Variants in LATS2 observed in about 807,000 individuals in gnomAD.
The protein encoded by LATS2 is serine/threonine-protein kinase LATS2.
In LATS2, 24 loss-of-function variants were observed where a neutral mutation model predicts 76.0. The ratio of observed to expected loss-of-function variants is 0.32; its 90% confidence interval spans 0.23 to 0.44. LATS2 has a LOEUF of 0.44. LATS2 is among the 20% of genes least tolerant of loss of function. The probability of loss-of-function intolerance (pLI) is 1.00; values close to 1 mark genes in which losing one functional copy is unlikely to be tolerated. For missense variants in LATS2, 1,286 were observed against 1,481.2 expected, an observed-to-expected ratio of 0.87 and a Z score of 2.16; for synonymous variants, 692 against 635.4, an observed-to-expected ratio of 1.09 and a Z score of -1.34.
Position 20,991,505 on chromosome 13 carries a change from G to T in LATS2, c.343-101C>A. Reference sequence around the variant, plus strand: ...GTGCTGGACTGTGCTGGGACACTTCGCCTCTGTACTGCTGAGAACCTGCGA... The same window carrying T: ...GTGCTGGACTGTGCTGGGACACTTCTCCTCTGTACTGCTGAGAACCTGCGA... On this transcript the variant is annotated intron_variant, in intron 2 of 7. Transcript: ENST00000382592. The surrounding 1 kb of genome is among the most constrained non-coding windows in gnomAD (Gnocchi z 4.9). 1 of 1,350,534 alleles carries T rather than the reference G, an allele frequency of 7.4e-7. No individual in the cohort carries two copies. Among genetic ancestry groups the T allele is most frequent in the Non-Finnish European group, 1.0e-6 (1 of 966,838 alleles). The allele number at this position is 1,350,534 out of a possible 1,614,324, so 83.7% of individuals were successfully genotyped here.
rs1254864188 is a variant in LATS2 at position 20,988,572 on chromosome 13, G to T, written c.1208C>A (p.Pro403His). Residue 403 changes from proline to histidine, a missense_variant, in exon 4 of 8, where the codon CCC becomes CAC. By Grantham distance (77) the Pro-to-His change is moderately conservative. This residue lies in a region of LATS2 where 710 missense variants were observed against 660.9 expected (regional missense o/e 1.07). Transcript: ENST00000382592. ...HVAFRPDCPV[P>H]SRTNSFNSHQ... ...GCTGTTGAAGGAGTTGGTCCTGCTG[G>T]GCACTGGGCAGTCAGGCCGGAAGGC... 6.3e-7 allele frequency: 1 copy of T among 1,586,986 alleles called. No homozygotes were observed. The highest frequency in any genetic ancestry group is 1.7e-5 in the Admixed American group (1 of 58,266).
chr13:21,004,824 T>C (rs929612994), intron 2 of LATS2, among the ~76,000 whole-genome samples: 2 of 152,194 alleles, frequency 1.3e-5, no homozygotes, highest in Admixed American at 1.3e-4. Flanking sequence ...GACATTGCTG[T>C]TTTTAAGGAC....
intron 1 of LATS2, among the ~76,000 whole-genome samples, chr13:21,050,107 G>C (rs1346255394): frequency 6.6e-6 from 1 of 150,526 alleles, no homozygotes; most frequent in Non-Finnish European, 1.5e-5. Flanking sequence ...GCGACAGAGG[G>C]AGACTCTGTC....
Position 21,046,170 on chromosome 13 carries a change from T to TTCTC in LATS2, c.-145_-144insGAGA. The TTCTC allele has an allele frequency of 4.5e-6, 3 of 671,468 alleles. No homozygotes were observed. The highest frequency in any genetic ancestry group is 7.3e-6 in the Non-Finnish European group (3 of 411,086). 41.6% of individuals were successfully genotyped at this position (671,468 alleles called of 1,614,324 possible). A position where few individuals can be genotyped will look rare whatever the true frequency, so the allele number is the denominator to read the frequency against. On this transcript the variant is annotated 5_prime_UTR_variant, in exon 2 of 8. It removes the in-frame stop codon of an upstream open reading frame in the 5' UTR. Transcript: ENST00000382592. ...TTGAAAATGTTCTTTCCTTCCATTT[T>TTCTC]TGTAGTTCCTATAGAGAACCTAAAA...
intron 1 of LATS2, among the ~76,000 whole-genome samples, chr13:21,046,525 T>TA: frequency 6.6e-6 from 1 of 152,350 alleles, no homozygotes; most frequent in Non-Finnish European, 1.5e-5. Flanking sequence ...TCATTTAAAA[T>TA]ACTTCATTAT....
At chr13:21,060,532 A>G (rs1333611726) in intron 1 of LATS2, among the ~76,000 whole-genome samples, 1 of 152,108 alleles carries the variant, frequency 6.6e-6, no homozygotes, top group Non-Finnish European at 1.5e-5. Flanking sequence ...GACGCCGAGC[A>G]GGGCCTGGCC....
intron 2 of LATS2, among the ~76,000 whole-genome samples, chr13:20,993,568 T>TGTGGGAC (rs769072103): frequency 5.3e-5 from 8 of 150,922 alleles, no homozygotes; most frequent in Non-Finnish European, 1.2e-4. Flanking sequence ...TGCCTGCCCA[T>TGTGGGAC]GTGGGACATG....
intron 1 of LATS2, among the ~76,000 whole-genome samples, chr13:21,054,728 T>C (rs1010417442): frequency 1.2e-4 from 6 of 50,874 alleles, no homozygotes; most frequent in Admixed American, 2.5e-4. Flanking sequence ...TAAGTGGCCG[T>C]GTCCCTAGCC....
Position 20,989,243 on chromosome 13 carries a change from C to G in LATS2, c.537G>C (p.Ser179=). 1 of 1,613,864 alleles carries G rather than the reference C, an allele frequency of 6.2e-7. No homozygotes were observed. The change falls in exon 4 of 8, where the codon TCG becomes TCC. Residue 179 remains serine, a synonymous_variant. Transcript: ENST00000382592. ...CGCTCAGCTGGTGGTAGGACGCAAACGAATCGCCGGTTCCTTCGAAGCTGG... is the reference window on the plus strand; with the variant it reads ...CGCTCAGCTGGTGGTAGGACGCAAAGGAATCGCCGGTTCCTTCGAAGCTGG... ...RRPSFEGTGD[S]FASYHQLSGT...
chr13:20,977,969 G>A (rs982687955), intron 7 of LATS2, among the ~76,000 whole-genome samples: 2 of 152,062 alleles, frequency 1.3e-5, no homozygotes, highest in African/African-American at 4.8e-5. Context: ...AGGTTGGAGT[G>A]CAGTGGCGTG....
At chr13:20,977,148 C>T (rs751353738) in intron 7 of LATS2, among the ~76,000 whole-genome samples, 2 of 152,164 alleles carry the variant, frequency 1.3e-5, no homozygotes, top group Non-Finnish European at 2.9e-5. Context: ...ATAATCCCAA[C>T]ATTTTGGGAG....
In LATS2 at chr13:20,989,114, G is replaced by T. The variant is rs368510782; in HGVS notation, c.666C>A (p.His222Gln). ...VDYLFPGVGP[H>Q]GPGHQHQHPP... is the part of the protein sequence containing the mutation. ...GGTGCTGGTGCTGGTGGCCGGGCCC[G>T]TGGGGGCCGACTCCGGGGAAAAGGT... is the stretch of plus-strand genomic sequence containing the variant. Residue 222 changes from histidine to glutamine, a missense_variant, in exon 4 of 8, where the codon CAC (histidine) becomes CAA (glutamine). By Grantham distance (24) the His-to-Gln change is conservative. This residue lies in a region of LATS2 where 710 missense variants were observed against 660.9 expected (regional missense o/e 1.07). Coordinates refer to ENST00000382592, the MANE Select transcript of LATS2 (RefSeq NM_014572.3). 8 of 1,605,644 alleles carry T rather than the reference G, an allele frequency of 5.0e-6. No individual in the cohort carries two copies. Among genetic ancestry groups the T allele is most frequent in the Non-Finnish European group, 6.8e-6 (8 of 1,177,152 alleles).
intron 2 of LATS2, among the ~76,000 whole-genome samples, chr13:21,010,402 CA>C (rs1003317079): frequency 3.3e-5 from 5 of 152,056 alleles, no homozygotes. Flanking sequence ...GGTCACCCTA[CA>C]GCAAAGCCCC....
intron 1 of LATS2, among the ~76,000 whole-genome samples, chr13:21,057,119 C>T (rs573039758): frequency 9.9e-5 from 15 of 152,192 alleles, no homozygotes; most frequent in Non-Finnish European, 2.2e-4. Context: ...CTATTCCAAA[C>T]AGAGGCCCAC....
intron 2 of LATS2, among the ~76,000 whole-genome samples, chr13:21,029,627 C>G (rs1231756975): frequency 6.6e-6 from 1 of 151,804 alleles, no homozygotes; most frequent in Non-Finnish European, 1.5e-5. Flanking sequence ...CCCATTGCTA[C>G]TAAAAATACA....
chr13:21,046,117 G>A lies in LATS2; in HGVS notation c.-91C>T. On this transcript the variant is annotated 5_prime_UTR_variant, in exon 2 of 8. Transcript: ENST00000382592. The stretch of plus-strand genomic sequence containing the variant: ...AAACTGTCAATAGTATCAGTTTGTT[G>A]TAAACATACTTTCAAAATAATTTCC... 2 of 861,444 alleles carry A rather than the reference G, an allele frequency of 2.3e-6. No individual in the cohort carries two copies. The highest frequency in any genetic ancestry group is 2.5e-4 in the Middle Eastern group (1 of 4,002). 53.4% of individuals were successfully genotyped at this position (861,444 alleles called of 1,614,324 possible). A position where few individuals can be genotyped will look rare whatever the true frequency, so the allele number is the denominator to read the frequency against.
At chr13:21,014,107 C>T (rs931747656) in intron 2 of LATS2, among the ~76,000 whole-genome samples, 1 of 151,696 alleles carries the variant, frequency 6.6e-6, no homozygotes, top group Admixed American at 6.6e-5. Context: ...GATTAAAATG[C>T]CAAAGAATGT....
chr13:20,999,159 C>A (rs1334859433), intron 2 of LATS2, among the ~76,000 whole-genome samples: 1 of 152,230 alleles, frequency 6.6e-6, no homozygotes, highest in Non-Finnish European at 1.5e-5. Context: ...GAAGTAGTGG[C>A]CTTTGGAGTT....
chr13:21,019,867 G>C (rs905695876), intron 2 of LATS2, among the ~76,000 whole-genome samples: 1 of 150,854 alleles, frequency 6.6e-6, no homozygotes, highest in African/African-American at 2.4e-5. Flanking sequence ...CCAGCTACTC[G>C]GGAGGCTGAG....
Sources: allele counts gnomAD v4.1 joint callset (sites outside exome capture counted in the v4.1 genomes callset), GRCh38; gene constraint gnomAD v4.1.1; regional missense constraint gnomAD v4.1.1; non-coding constraint Gnocchi (gnomAD v3.1); transcripts MANE v1.5; gene names NCBI Gene and HGNC (gene_info 2026-07-23, HGNC 2026-07-21).